Variants in ATAD1 observed in about 807,000 individuals in gnomAD.
ATAD1 encodes outer mitochondrial transmembrane helix translocase.
In ATAD1, 18 loss-of-function variants were observed where a neutral mutation model predicts 42.7. That is an observed-to-expected ratio of 0.42 (90% CI 0.29 to 0.63). ATAD1 has a LOEUF of 0.63. ATAD1 is among the 20% of genes least tolerant of loss of function. The probability of loss-of-function intolerance (pLI) is 0.19; values close to 1 mark genes in which losing one functional copy is unlikely to be tolerated. For synonymous variants in ATAD1, 132 were observed against 143.1 expected (o/e 0.92, Z 0.55); for missense variants, 294 against 440.4 (o/e 0.67, Z 2.98).
intron 6 of ATAD1, 112 bp downstream of exon 6, chr10:87,776,203 ATAAGTG>A (rs1213812961): frequency 9.9e-6 from 7 of 707,158 alleles, no homozygotes; most frequent in Non-Finnish European, 1.7e-5. Context: ...TCACTTAGTC[ATAAGTG>A]TAAATAATTA....
At chr10:87,789,267 T>C (rs545186022) in intron 4 of ATAD1, among the ~76,000 whole-genome samples, 2 of 152,348 alleles carry the variant, frequency 1.3e-5, no homozygotes, top group Admixed American at 6.5e-5. Context: ...CAAACCCATA[T>C]AGTTTTGGCA....
chr10:87,841,032 A>G (rs1858023822), intron 1 of ATAD1, among the ~76,000 whole-genome samples: 1 of 152,174 alleles, frequency 6.6e-6, no homozygotes, highest in Non-Finnish European at 1.5e-5. Flanking sequence ...GTACAAAGGT[A>G]CAAAGATTTA....
chr10:87,805,270 A>T (rs1290496283), intron 2 of ATAD1, among the ~76,000 whole-genome samples: 1 of 152,106 alleles, frequency 6.6e-6, no homozygotes, highest in Non-Finnish European at 1.5e-5. Context: ...CTCCAACTAA[A>T]TTATCTCCCA....
At chr10:87,836,983 T>C (rs1366863802) in intron 1 of ATAD1, among the ~76,000 whole-genome samples, 2 of 152,238 alleles carry the variant, frequency 1.3e-5, no homozygotes, top group Non-Finnish European at 1.5e-5. Flanking sequence ...ATTAGTTCTT[T>C]ATTTTTGTTA....
At chr10:87,837,324 A>G (rs181137005) in intron 1 of ATAD1, among the ~76,000 whole-genome samples, 1 of 152,346 alleles carries the variant, frequency 6.6e-6, no homozygotes. Flanking sequence ...GGTTCAAGTC[A>G]AAAGTTCCAG....
At chr10:87,763,259 T>C (rs1264555345) in intron 8 of ATAD1, among the ~76,000 whole-genome samples, 3 of 152,136 alleles carry the variant, frequency 2.0e-5, no homozygotes, top group Non-Finnish European at 4.4e-5. Flanking sequence ...CTTAAAGGGC[T>C]CTATGACATG....
chr10:87,789,846 A>T (rs1271061468), intron 4 of ATAD1, among the ~76,000 whole-genome samples: 1 of 152,214 alleles, frequency 6.6e-6, no homozygotes, highest in Non-Finnish European at 1.5e-5. Context: ...GTGATTTTGA[A>T]TAAGCAAACA....
Position 87,764,180 on chromosome 10 carries a change from CCGAG to C in ATAD1, c.831+3489_831+3492del, listed in dbSNP as rs564846983. On this transcript the variant is annotated intron_variant, in intron 8 of 9. Coordinates refer to ENST00000680024, the MANE Select transcript of ATAD1 (RefSeq NM_001321967.2). ...TAGTGGCTATAAAAAAAAAAATGGGCCGAGCGCAGTGGCTCATGCCTGAAATCCC... is the reference window on the plus strand; with the variant it reads ...TAGTGGCTATAAAAAAAAAAATGGGCCGCAGTGGCTCATGCCTGAAATCCC... Among the ~76,000 whole-genome samples, 485 of 152,076 alleles carry C rather than the reference CCGAG, an allele frequency of 3.2e-3. 5 individuals are homozygous for C. In the Middle Eastern group the frequency reaches 0.072, roughly 23 times the overall value.
intron 9 of ATAD1, 91 bp from the exon 10 acceptor site, chr10:87,754,898 G>T: frequency 7.0e-7 from 1 of 1,437,562 alleles, no homozygotes; most frequent in South Asian, 1.5e-5. Flanking sequence ...AGATGCATGT[G>T]GTAAAAAAAA....
chr10:87,834,286 A>G (rs887167215), intron 1 of ATAD1, among the ~76,000 whole-genome samples: 3 of 152,152 alleles, frequency 2.0e-5, no homozygotes, highest in African/African-American at 7.2e-5. Context: ...GGTATCAATA[A>G]TGCTGATTTT....
At chr10:87,815,280 G>GA (rs1178664280) in intron 1 of ATAD1, among the ~76,000 whole-genome samples, 3 of 151,598 alleles carry the variant, frequency 2.0e-5, no homozygotes, top group East Asian at 3.9e-4. Context: ...AAGCTAAAGA[G>GA]AAAAAAAATG....
At chr10:87,763,964 A>G (rs2131780680) in intron 8 of ATAD1, among the ~76,000 whole-genome samples, 1 of 152,228 alleles carries the variant, frequency 6.6e-6, no homozygotes, top group African/African-American at 2.4e-5. Context: ...TGCAGAGAAA[A>G]AGAATTAAAA....
intron 8 of ATAD1, among the ~76,000 whole-genome samples, chr10:87,758,402 G>C (rs1854325948): frequency 6.6e-6 from 1 of 151,966 alleles, no homozygotes; most frequent in South Asian, 2.1e-4. Flanking sequence ...CTAGAGGGTT[G>C]GGACAAATAA....
At chr10:87,763,545 T>C (rs1023529436) in intron 8 of ATAD1, among the ~76,000 whole-genome samples, 1 of 152,132 alleles carries the variant, frequency 6.6e-6, no homozygotes, top group African/African-American at 2.4e-5. Context: ...TGGTGAAGCA[T>C]GCCTGCAGTC....
Position 87,753,444 on chromosome 10 carries a change from G to GA in ATAD1, c.*1242dup, listed in dbSNP as rs1180646729. 6.6e-6 allele frequency: 1 copy of GA among 152,150 alleles called. No individual in the cohort carries two copies. The highest frequency in any genetic ancestry group is 1.5e-5 in the Non-Finnish European group (1 of 68,010). 9.4% of individuals were successfully genotyped at this position (152,150 alleles called of 1,614,324 possible). ...AAGCATAATTTAATCTGATGATTCA[G>GA]AAGGCACCTCAAGATTGTGTTGTGC... On this transcript the variant is annotated 3_prime_UTR_variant, in exon 10 of 10. Coordinates refer to ENST00000680024, the MANE Select transcript of ATAD1 (RefSeq NM_001321967.2).
At chr10:87,813,883 T>A (rs1286353771) in intron 2 of ATAD1, among the ~76,000 whole-genome samples, 7 of 152,086 alleles carry the variant, frequency 4.6e-5, no homozygotes, top group Non-Finnish European at 8.8e-5. Flanking sequence ...AAGACTCCTT[T>A]AAGGTTTTTA....
In ATAD1 at chr10:87,752,873, CAAAA is replaced by C. The variant is rs1478053271; in HGVS notation, c.*1810_*1813del. On this transcript the variant is annotated 3_prime_UTR_variant, in exon 10 of 10. Transcript: ENST00000680024. ...TGGATATTGTGAATTTAAGAGAAGA[CAAAA>C]AGAAAGGACATGTGGAGGTATACAT... The C allele has an allele frequency of 2.0e-5, 3 of 151,872 alleles. No homozygotes were observed. The highest frequency in any genetic ancestry group is 7.3e-5 in the African/African-American group (3 of 41,342). 9.4% of individuals were successfully genotyped at this position (151,872 alleles called of 1,614,324 possible). A position where few individuals can be genotyped will look rare whatever the true frequency, so the allele number is the denominator to read the frequency against.
chr10:87,779,795 T>A (rs577685631), intron 5 of ATAD1, among the ~76,000 whole-genome samples: 1 of 152,140 alleles, frequency 6.6e-6, no homozygotes. Flanking sequence ...TCTATTACAA[T>A]AGCTAAAAAT....
chr10:87,756,989 A>G (rs571952349), intron 8 of ATAD1, 67 bp from the exon 9 acceptor site: 2 of 1,295,832 alleles, frequency 1.5e-6, no homozygotes, highest in South Asian at 2.0e-5. Flanking sequence ...ACTACCAAAC[A>G]CCCATCTTAA....
Sources: allele counts gnomAD v4.1 joint callset (sites outside exome capture counted in the v4.1 genomes callset), GRCh38; gene constraint gnomAD v4.1.1; transcripts MANE v1.5; gene names NCBI Gene and HGNC (gene_info 2026-07-23, HGNC 2026-07-21).